The following RABGAP1L variants were observed in gnomAD, a reference collection of about 807,000 sequenced individuals.
The protein encoded by RABGAP1L is RAB GTPase activating protein 1 like.
RABGAP1L carries 63 observed loss-of-function variants against 137.7 expected under a neutral mutation model. The observed-to-expected ratio is 0.46, with a 90% CI of 0.37 to 0.56. The LOEUF (loss-of-function observed/expected upper bound fraction) is 0.56, where lower values mean the gene tolerates loss of function less well. Ranked by LOEUF, RABGAP1L falls within the 20% of genes least tolerant of loss-of-function variation. The pLI is 0.00. For missense variants in RABGAP1L, 1,095 were observed against 1,244.0 expected (o/e 0.88, Z 1.80); for synonymous variants, 431 against 433.7 (o/e 0.99, Z 0.08).
intron 17 of RABGAP1L, among the ~76,000 whole-genome samples, chr1:174,714,453 A>G (rs1440827211): frequency 1.3e-5 from 2 of 152,212 alleles, no homozygotes; most frequent in Admixed American, 1.3e-4. Flanking sequence ...AACTTTACAT[A>G]TGGTAGACAT....
At chr1:174,969,660 T>C (rs181747201) in intron 21 of RABGAP1L, among the ~76,000 whole-genome samples, 1 of 152,374 alleles carries the variant, frequency 6.6e-6, no homozygotes, top group Admixed American at 6.5e-5. Context: ...GCTGTCAGCA[T>C]AATTATCTGA....
At chr1:174,332,452 A>G (rs894776076) in intron 11 of RABGAP1L, among the ~76,000 whole-genome samples, 4 of 151,992 alleles carry the variant, frequency 2.6e-5, no homozygotes, top group African/African-American at 9.7e-5. Flanking sequence ...GCTGGAGTGC[A>G]GCAGCATGAT....
chr1:174,895,599 C>T (rs190519137), intron 19 of RABGAP1L, among the ~76,000 whole-genome samples: 1 of 152,070 alleles, frequency 6.6e-6, no homozygotes, highest in African/African-American at 2.4e-5. Flanking sequence ...CCACTCCCCC[C>T]ACCCCATGAC....
At chr1:174,432,183 T>A (rs1652717076) in intron 13 of RABGAP1L, among the ~76,000 whole-genome samples, 1 of 152,182 alleles carries the variant, frequency 6.6e-6, no homozygotes, top group East Asian at 1.9e-4. Flanking sequence ...CAATATTTAC[T>A]TCCTACTTAC....
chr1:174,322,744 A>T lies in RABGAP1L; in HGVS notation c.1465+17617A>T, dbSNP rs184964254. 9.8e-5 allele frequency among the ~76,000 whole-genome samples: 15 copies of T among 152,326 alleles called. No homozygotes were observed. In the East Asian group the frequency reaches 2.7e-3, roughly 27 times the overall value. On this transcript the variant is annotated intron_variant, in intron 11 of 25. Coordinates refer to ENST00000681986, the MANE Select transcript of RABGAP1L (RefSeq NM_001366446.1). Reference sequence around the variant, plus strand: ...GACTTCCAAGAACAGTGATGGGGTCATCTCTATCTCAGCTGACATGAATGG... The same window carrying T: ...GACTTCCAAGAACAGTGATGGGGTCTTCTCTATCTCAGCTGACATGAATGG...
chr1:174,466,569 T>C (rs1479064084), intron 13 of RABGAP1L, among the ~76,000 whole-genome samples: 5 of 152,134 alleles, frequency 3.3e-5, no homozygotes, highest in African/African-American at 4.8e-5. Flanking sequence ...GGTGGATCAC[T>C]TGAGGTCAGG....
At chr1:174,814,690 A>G (rs920786856) in intron 19 of RABGAP1L, among the ~76,000 whole-genome samples, 2 of 151,390 alleles carry the variant, frequency 1.3e-5, no homozygotes, top group South Asian at 2.1e-4. Flanking sequence ...GTTCTATTGT[A>G]TTGTATTTCC....
chr1:174,611,965 T>A (rs868828158), intron 13 of RABGAP1L, among the ~76,000 whole-genome samples: 46 of 152,264 alleles, frequency 3.0e-4, no homozygotes, highest in South Asian at 1.2e-3. Context: ...GGCTGAGACA[T>A]TGGGGTTTCT....
intron 11 of RABGAP1L, among the ~76,000 whole-genome samples, chr1:174,361,489 T>C (rs1258942186): frequency 6.6e-6 from 1 of 152,132 alleles, no homozygotes; most frequent in African/African-American, 2.4e-5. Flanking sequence ...ATTATAGAGA[T>C]CTTTCACTTC....
At chr1:174,273,262 A>G (rs1405446142) in intron 8 of RABGAP1L, among the ~76,000 whole-genome samples, 1 of 152,028 alleles carries the variant, frequency 6.6e-6, no homozygotes, top group Admixed American at 6.6e-5. Flanking sequence ...TTTCATGGTA[A>G]TATCAATACT....
At chr1:174,268,504 CT>C (rs762520514) in intron 7 of RABGAP1L, among the ~76,000 whole-genome samples, 1 of 152,170 alleles carries the variant, frequency 6.6e-6, no homozygotes, top group East Asian at 1.9e-4. Flanking sequence ...CGCCCAGCCA[CT>C]TTTTCATTTT....
intron 1 of RABGAP1L, among the ~76,000 whole-genome samples, chr1:174,162,167 AT>A (rs752968286): frequency 1.2e-4 from 18 of 149,552 alleles, no homozygotes; most frequent in African/African-American, 3.0e-4. Context: ...GGTAGTTATG[AT>A]TTTTTTTTCC....
At chr1:174,807,526 G>T (rs182383868) in intron 18 of RABGAP1L, among the ~76,000 whole-genome samples, 1 of 152,250 alleles carries the variant, frequency 6.6e-6, no homozygotes, top group African/African-American at 2.4e-5. Context: ...ATCTCTGTAA[G>T]CTTATAATCT....
intron 19 of RABGAP1L, among the ~76,000 whole-genome samples, chr1:174,849,458 C>A (rs1242817346): frequency 1.3e-5 from 2 of 152,118 alleles, no homozygotes; most frequent in Admixed American, 6.6e-5. Context: ...ATTAGTCATG[C>A]TGACATGTAC....
intron 13 of RABGAP1L, among the ~76,000 whole-genome samples, chr1:174,475,772 T>TAAAAAAAAA (rs61597461): frequency 1.4e-5 from 1 of 69,930 alleles, no homozygotes; most frequent in Non-Finnish European, 2.6e-5. Context: ...CCCCGTGTCT[T>TAAAAAAAAA]AAAAAAAAAA....
intron 19 of RABGAP1L, among the ~76,000 whole-genome samples, chr1:174,930,531 G>A (rs576854536): frequency 6.6e-6 from 1 of 152,122 alleles, no homozygotes; most frequent in African/African-American, 2.4e-5. Flanking sequence ...TCTCCAGGCT[G>A]GTATTAAACT....
In RABGAP1L at chr1:174,170,517, A is replaced by G. The variant is rs545159345; in HGVS notation, c.-34+10860A>G. Among the ~76,000 whole-genome samples, 10 of 152,132 alleles carry G rather than the reference A, an allele frequency of 6.6e-5. 1 individual carries two copies. The South Asian group carries it at 2.1e-3, about 32-fold the overall frequency. On this transcript the variant is annotated intron_variant, in intron 1 of 25. Coordinates refer to ENST00000681986, the MANE Select transcript of RABGAP1L (RefSeq NM_001366446.1). ...TGGTGAAACCCCATCTCTACTAAAA[A>G]TACAAAAATTAACCAGGCGTGGTGG...
At chr1:174,524,605 A>G (rs1239969275) in intron 13 of RABGAP1L, among the ~76,000 whole-genome samples, 2 of 151,964 alleles carry the variant, frequency 1.3e-5, no homozygotes, top group Non-Finnish European at 2.9e-5. Flanking sequence ...TCTCTTCACT[A>G]TGTTGATTAT....
intron 13 of RABGAP1L, among the ~76,000 whole-genome samples, chr1:174,429,338 A>G (rs953146008): frequency 7.2e-5 from 11 of 152,212 alleles, no homozygotes; most frequent in African/African-American, 2.7e-4. Flanking sequence ...TATAATATAT[A>G]TAACAGGCTT....
Sources: gnomAD v4.1 joint callset for allele counts (sites outside exome capture counted in the v4.1 genomes callset) on GRCh38, gnomAD v4.1.1 for gene constraint, MANE v1.5 for transcripts, NCBI Gene and HGNC (gene_info 2026-07-23, HGNC 2026-07-21) for gene names.